MED12L: variants seen among roughly 807,000 people sequenced by gnomAD.
MED12L encodes mediator of RNA polymerase II transcription subunit 12-like protein.
Under a neutral mutation model 281.3 loss-of-function variants are expected in MED12L, and 60 were observed. That is an observed-to-expected ratio of 0.21 (90% CI 0.17 to 0.26). MED12L has a LOEUF of 0.26. Among genes scored for constraint, MED12L ranks in the 10% least tolerant of loss-of-function variants. MED12L has a pLI of 1.00. For missense variants in MED12L, 2,146 were observed against 2,680.9 expected, an observed-to-expected ratio of 0.80 and a Z score of 4.41; for synonymous variants, 974 against 987.2, an observed-to-expected ratio of 0.99 and a Z score of 0.25.
At chr3:151,307,179 G>C (rs1301531603) in intron 16 of MED12L, among the ~76,000 whole-genome samples, 1 of 152,170 alleles carries the variant, frequency 6.6e-6, no homozygotes, top group Non-Finnish European at 1.5e-5. Context: ...GTTTAAGCCT[G>C]ACTTTATGTG....
At chr3:151,247,582 A>T (rs1427752146) in intron 16 of MED12L, among the ~76,000 whole-genome samples, 1 of 134,080 alleles carries the variant, frequency 7.5e-6, no homozygotes, top group African/African-American at 2.7e-5. Flanking sequence ...TGGACACAGG[A>T]AGGGGAATAT....
At chr3:151,119,743 A>C (rs1456547318) in intron 3 of MED12L, among the ~76,000 whole-genome samples, 1 of 152,206 alleles carries the variant, frequency 6.6e-6, no homozygotes, top group Non-Finnish European at 1.5e-5. Flanking sequence ...CATCTATTAC[A>C]CTTCCGCTAC....
chr3:151,098,033 C>T (rs1720946785), intron 2 of MED12L, among the ~76,000 whole-genome samples: 8 of 152,042 alleles, frequency 5.3e-5, no homozygotes, highest in Admixed American at 4.6e-4. Context: ...TGCAAAGGGT[C>T]GCAGGACAAA....
chr3:151,100,806 T>C (rs1041445852), intron 2 of MED12L, among the ~76,000 whole-genome samples: 2 of 152,246 alleles, frequency 1.3e-5, no homozygotes, highest in Non-Finnish European at 2.9e-5. Context: ...TTGAAATGTT[T>C]TTGAAATTAT....
chr3:151,144,307 G>A (rs779724200), intron 5 of MED12L, among the ~76,000 whole-genome samples: 2 of 152,182 alleles, frequency 1.3e-5, no homozygotes, highest in Admixed American at 6.5e-5. Context: ...GCATGTTTAC[G>A]TTAAAATGAA....
chr3:151,133,326 G>A (rs184591712), intron 5 of MED12L, among the ~76,000 whole-genome samples: 1 of 152,168 alleles, frequency 6.6e-6, no homozygotes, highest in African/African-American at 2.4e-5. Flanking sequence ...CCTTACTGTC[G>A]TTATGCAGAG....
intron 11 of MED12L, among the ~76,000 whole-genome samples, chr3:151,173,757 A>G (rs1350656261): frequency 1.3e-5 from 2 of 152,178 alleles, no homozygotes; most frequent in East Asian, 3.8e-4. Context: ...CAATGGCCTT[A>G]CTAATAGAAT....
chr3:151,096,652 A>G (rs993368190), intron 2 of MED12L, among the ~76,000 whole-genome samples: 1 of 152,038 alleles, frequency 6.6e-6, no homozygotes, highest in African/African-American at 2.4e-5. Flanking sequence ...TAGGTCTGCT[A>G]TTTTGGGGGG....
chr3:151,160,215 ACCC>A, intron 8 of MED12L, 114 bp downstream of exon 8: 1 of 967,894 alleles, frequency 1.0e-6, no homozygotes, highest in South Asian at 1.9e-5. Flanking sequence ...TTTTTTCCTC[ACCC>A]AAGTAATTTA....
chr3:151,239,066 G>A (rs1230548432), intron 16 of MED12L, among the ~76,000 whole-genome samples: 2 of 152,098 alleles, frequency 1.3e-5, no homozygotes, highest in African/African-American at 4.8e-5. Flanking sequence ...TGTGAGTTTC[G>A]TAGCTTTCCG....
intron 9 of MED12L, among the ~76,000 whole-genome samples, chr3:151,164,986 AAAACTT>A (rs1341359401): frequency 1.3e-5 from 2 of 152,030 alleles, no homozygotes; most frequent in African/African-American, 4.8e-5. Context: ...CATGTACCCT[AAAACTT>A]AAAGTATAAT....
In MED12L at chr3:151,436,103, A is replaced by T. The variant is rs1157378445; in HGVS notation, c.*3299A>T. 1 of 152,278 alleles carries T rather than the reference A, an allele frequency of 6.6e-6. No individual in the cohort carries two copies. The highest frequency in any genetic ancestry group is 1.5e-5 in the Non-Finnish European group (1 of 68,080). 9.4% of individuals were successfully genotyped at this position (152,278 alleles called of 1,614,324 possible). On this transcript the variant is annotated 3_prime_UTR_variant, in exon 45 of 45. Coordinates refer to ENST00000687756, the MANE Select transcript of MED12L (RefSeq NM_001393769.1). ...TTTACATGTGGAAAAGTGAGCCTGC[A>T]TTTATTTTTAAATGCAGTTATTAAA...
At chr3:151,134,878 T>C (rs1314182873) in intron 5 of MED12L, among the ~76,000 whole-genome samples, 1 of 152,160 alleles carries the variant, frequency 6.6e-6, no homozygotes, top group East Asian at 1.9e-4. Flanking sequence ...AAAGCCTGTG[T>C]GAAGGTTTGT....
intron 4 of MED12L, among the ~76,000 whole-genome samples, chr3:151,125,148 A>G (rs1714318071): frequency 1.3e-5 from 2 of 152,236 alleles, no homozygotes. Flanking sequence ...ACTGAATAAC[A>G]TGTAATGCAA....
chr3:151,366,113 T>G, intron 23 of MED12L, 122 bp downstream of exon 23: 2 of 873,660 alleles, frequency 2.3e-6, no homozygotes, highest in South Asian at 6.9e-5. Flanking sequence ...ATATTTTTTC[T>G]TTCTCTGTCC....
At chr3:151,162,517 A>G (rs146123791) in intron 8 of MED12L, among the ~76,000 whole-genome samples, 1,611 of 152,166 alleles carry the variant, frequency 0.011, 15 homozygotes, top group Non-Finnish European at 0.017. Flanking sequence ...CCTGGGCTCA[A>G]GTGATCCTCC....
intron 16 of MED12L, among the ~76,000 whole-genome samples, chr3:151,297,935 C>A (rs1745327618): frequency 6.6e-6 from 1 of 151,878 alleles, no homozygotes; most frequent in Non-Finnish European, 1.5e-5. Flanking sequence ...ATTTAGGCAG[C>A]AAAGCTTAAA....
chr3:151,140,847 TTTTGTTTG>T (rs201249568), intron 5 of MED12L, among the ~76,000 whole-genome samples: 2,026 of 145,698 alleles, frequency 0.014, 40 homozygotes, highest in African/African-American at 0.044. Flanking sequence ...ACGCAGATAA[TTTTGTTTG>T]TTTGTTTGTT....
intron 16 of MED12L, among the ~76,000 whole-genome samples, chr3:151,336,245 A>T (rs1014664773): frequency 1.1e-4 from 17 of 152,206 alleles, no homozygotes; most frequent in Non-Finnish European, 4.4e-5. Context: ...ACTGCTGTTT[A>T]TCCCAGCAGT....
Sources: gnomAD v4.1 joint callset for allele counts (sites outside exome capture counted in the v4.1 genomes callset) on GRCh38, gnomAD v4.1.1 for gene constraint, MANE v1.5 for transcripts, NCBI Gene and HGNC (gene_info 2026-07-23, HGNC 2026-07-21) for gene names.